Variants in NTRK3 observed in about 807,000 individuals in gnomAD.
NTRK3 encodes the protein neurotrophic receptor tyrosine kinase 3.
A neutral mutation model predicts 91.7 loss-of-function variants in NTRK3; 24 were observed. The observed-to-expected ratio is 0.26, with a 90% CI of 0.19 to 0.37. The LOEUF is 0.37. NTRK3 is among the 10% of genes least tolerant of loss of function. NTRK3 has a pLI of 1.00. For missense variants in NTRK3, 880 were observed against 1,068.9 expected (o/e 0.82, Z 2.46); for synonymous variants, 483 against 404.0 (o/e 1.20, Z -2.34).
At chr15:87,903,888 A>C (rs2066597183) in intron 17 of NTRK3, among the ~76,000 whole-genome samples, 1 of 152,150 alleles carries the variant, frequency 6.6e-6, no homozygotes, top group Non-Finnish European at 1.5e-5. Context: ...TTTTAGAATA[A>C]TCTCTAGCTT....
At chr15:88,126,164 AC>A (rs2053262669) in intron 13 of NTRK3, 106 bp downstream of exon 13, 1 of 810,738 alleles carries the variant, frequency 1.2e-6, no homozygotes, top group Admixed American at 2.0e-5. Flanking sequence ...AGACCCCATG[AC>A]CGGAGGCCCT....
intron 6 of NTRK3, among the ~76,000 whole-genome samples, chr15:88,146,788 G>A (rs1414573657): frequency 6.6e-6 from 1 of 152,122 alleles, no homozygotes; most frequent in African/African-American, 2.4e-5. Context: ...GATTATGAGT[G>A]GTGAAAAGAC....
intron 14 of NTRK3, chr15:87,977,237 C>CAAAGAACTT (rs1247739578): frequency 1.2e-5 from 2 of 168,810 alleles, no homozygotes; most frequent in African/African-American, 4.8e-5. Flanking sequence ...CCTTTGTAAA[C>CAAAGAACTT]AAAGAACTTA....
chr15:87,860,950 A>G (rs1393900239), exon 19 of NTRK3: 2 of 223,722 alleles, frequency 8.9e-6, no homozygotes, highest in Non-Finnish European at 1.8e-5. Context: ...TGACTTGGCA[A>G]TACTGTATTC....
chr15:87,966,928 T>C (rs142428816), intron 14 of NTRK3, among the ~76,000 whole-genome samples: 316 of 152,306 alleles, frequency 2.1e-3, no homozygotes, highest in African/African-American at 6.7e-3. Context: ...GGATCATTCT[T>C]TCTTGTGGGG....
intron 14 of NTRK3, among the ~76,000 whole-genome samples, chr15:87,974,061 C>T (rs1018832566): frequency 1.3e-5 from 2 of 152,166 alleles, no homozygotes; most frequent in African/African-American, 4.8e-5. Flanking sequence ...TCCAACCCTC[C>T]CTTGCTGCCT....
At chr15:88,072,166 G>A (rs1161699636) in intron 13 of NTRK3, among the ~76,000 whole-genome samples, 1 of 151,834 alleles carries the variant, frequency 6.6e-6, no homozygotes, top group Non-Finnish European at 1.5e-5. Context: ...CACCATGCCT[G>A]GCTAATTTTT....
intron 14 of NTRK3, among the ~76,000 whole-genome samples, chr15:87,965,198 G>C (rs1231985236): frequency 6.6e-6 from 1 of 152,244 alleles, no homozygotes; most frequent in Non-Finnish European, 1.5e-5. Flanking sequence ...TGGGTGATGG[G>C]ATGGTGGATA....
chr15:87,965,697 T>C (rs528764762), intron 14 of NTRK3, among the ~76,000 whole-genome samples: 1 of 152,380 alleles, frequency 6.6e-6, no homozygotes, highest in Non-Finnish European at 1.5e-5. Context: ...CTTTAAAGTC[T>C]TAACTGATCA....
At chr15:88,112,143 T>C (rs1236160761) in intron 13 of NTRK3, among the ~76,000 whole-genome samples, 1 of 152,214 alleles carries the variant, frequency 6.6e-6, no homozygotes, top group Non-Finnish European at 1.5e-5. Context: ...CCTGACCTCG[T>C]GATCCGCCCG....
At chr15:87,968,966 A>G (rs949479350) in intron 14 of NTRK3, among the ~76,000 whole-genome samples, 1 of 152,082 alleles carries the variant, frequency 6.6e-6, no homozygotes, top group Non-Finnish European at 1.5e-5. Flanking sequence ...ATCAGTTTTT[A>G]TTTAACCTTT....
intron 13 of NTRK3, among the ~76,000 whole-genome samples, chr15:88,064,451 G>T (rs182879099): frequency 7.2e-4 from 109 of 152,192 alleles, no homozygotes; most frequent in Non-Finnish European, 1.2e-3. Flanking sequence ...TCTACTGTTG[G>T]TTCTTTTTTT....
In NTRK3 at chr15:88,010,010, T is replaced by C. The variant is rs149637821; in HGVS notation, c.1585+22847A>G. Among the ~76,000 whole-genome samples, 319 of 152,364 alleles carry C rather than the reference T, an allele frequency of 2.1e-3. 3 individuals are homozygous for C. The highest frequency in any genetic ancestry group is 7.2e-3 in the African/African-American group (299 of 41,592). ...ATAAATCTTCTTCCAAATGATTAGA[T>C]GTCGAGCTTGCCCCCAAATCTCTTT... On this transcript the variant is annotated intron_variant, in intron 14 of 18. Transcript: ENST00000394480.
At chr15:88,040,647 T>C (rs1033788155) in intron 13 of NTRK3, among the ~76,000 whole-genome samples, 1 of 152,194 alleles carries the variant, frequency 6.6e-6, no homozygotes, top group Non-Finnish European at 1.5e-5. Flanking sequence ...CTCAGAAATG[T>C]GGCACCAAGA....
chr15:88,134,892 T>C (rs1242907208), intron 10 of NTRK3, among the ~76,000 whole-genome samples: 1 of 152,246 alleles, frequency 6.6e-6, no homozygotes, highest in Non-Finnish European at 1.5e-5. Context: ...TAAGAAGTCT[T>C]GGTTACCATG....
intron 6 of NTRK3, among the ~76,000 whole-genome samples, chr15:88,139,633 C>G (rs1163096542): frequency 4.5e-4 from 68 of 151,864 alleles, no homozygotes; most frequent in Admixed American, 4.5e-3. Context: ...AAGAACTAAC[C>G]CTTACTGAGC....
chr15:87,997,883 G>C (rs1457727575), intron 14 of NTRK3, among the ~76,000 whole-genome samples: 1 of 152,192 alleles, frequency 6.6e-6, no homozygotes, highest in African/African-American at 2.4e-5. Flanking sequence ...TGATGGTCTA[G>C]CCCTGTGGGA....
At chr15:88,147,505 C>CCTTCTTCTTCTTCTT (rs34299110) in intron 5 of NTRK3, 102 bp from the exon 6 acceptor site, 230 of 660,186 alleles carry the variant, frequency 3.5e-4, no homozygotes, top group African/African-American at 1.1e-3. Flanking sequence ...GCTTTGTTTT[C>CCTTCTTCTTCTTCTT]CTTCTTCTTC....
intron 14 of NTRK3, among the ~76,000 whole-genome samples, chr15:88,002,169 T>G (rs71403929): frequency 1.3e-5 from 1 of 77,728 alleles, no homozygotes; most frequent in African/African-American, 4.9e-5. Flanking sequence ...ATAGTGGTTG[T>G]TTTTTTTTTT....
Sources: gnomAD v4.1 joint callset for allele counts (sites outside exome capture counted in the v4.1 genomes callset) on GRCh38, gnomAD v4.1.1 for gene constraint, MANE v1.5 for transcripts, NCBI Gene and HGNC (gene_info 2026-07-23, HGNC 2026-07-21) for gene names.